The following GLOD4 variants were observed in gnomAD, a reference collection of about 807,000 sequenced individuals.
The protein encoded by GLOD4 is glyoxalase domain-containing protein 4.
In GLOD4, 44 loss-of-function variants were observed where a neutral mutation model predicts 39.1. The observed-to-expected ratio is 1.13, with a 90% CI of 0.88 to 1.45. GLOD4 has a LOEUF of 1.45. Among genes scored for constraint, GLOD4 ranks in the 40% most tolerant of loss-of-function variants. The pLI is 0.00. For missense variants in GLOD4, 405 were observed against 366.4 expected, an observed-to-expected ratio of 1.11 and a Z score of -0.86; for synonymous variants, 145 against 135.0, an observed-to-expected ratio of 1.07 and a Z score of -0.52.
intron 8 of GLOD4, among the ~76,000 whole-genome samples, chr17:766,987 C>T (rs1242121670): frequency 3.9e-5 from 6 of 152,194 alleles, no homozygotes. Flanking sequence ...ATGACAGATT[C>T]TACTTTCCTT....
chr17:775,477 C>G (rs906349739), intron 4 of GLOD4, among the ~76,000 whole-genome samples: 11 of 152,192 alleles, frequency 7.2e-5, no homozygotes, highest in African/African-American at 2.7e-4. Flanking sequence ...AGAATGCCTG[C>G]TCTGTGAGCT....
At chr17:775,266 A>C (rs940674014) in intron 4 of GLOD4, among the ~76,000 whole-genome samples, 1 of 151,984 alleles carries the variant, frequency 6.6e-6, no homozygotes, top group African/African-American at 2.4e-5. Flanking sequence ...GTCTCAAAAA[A>C]AAAAAGCAAA....
intron 8 of GLOD4, chr17:764,639 T>C (rs1906125040): frequency 6.6e-6 from 1 of 152,106 alleles, no homozygotes; most frequent in African/African-American, 2.4e-5. Flanking sequence ...AATTGTTATA[T>C]TCATAAAATT....
At chr17:770,005 C>CAAGAAAAT in intron 7 of GLOD4, 39 bp downstream of exon 7, 1 of 1,553,666 alleles carries the variant, frequency 6.4e-7, no homozygotes, top group Non-Finnish European at 8.9e-7. Flanking sequence ...CTTGAAGAAA[C>CAAGAAAAT]CCCTGGTCCA....
At position 770,515 on chromosome 17, in the gene GLOD4, A is replaced by G; in HGVS notation, c.544-8T>C. ...CTGTAGCTCCAGCTTACACTGAAATAGGAAAGGGGGTTATTTTTTGGAACA... is the reference window on the plus strand; with the variant it reads ...CTGTAGCTCCAGCTTACACTGAAATGGGAAAGGGGGTTATTTTTTGGAACA... On this transcript the variant is annotated splice_region_variant and splice_polypyrimidine_tract_variant and intron_variant, in intron 5 of 8. Coordinates refer to ENST00000301329, the MANE Select transcript of GLOD4 (RefSeq NM_016080.4). 1.4e-6 allele frequency: 2 copies of G among 1,393,160 alleles called. 1 individual carries two copies. The highest frequency in any genetic ancestry group is 3.5e-4 in the Middle Eastern group (2 of 5,648). 86.3% of individuals were successfully genotyped at this position (1,393,160 alleles called of 1,614,324 possible).
At position 782,226 on chromosome 17, in the gene GLOD4, T is replaced by A; in HGVS notation, c.30A>T (p.Val10=). ...TCTGGAAGCGGTTTCCCACTTTGAA[T>A]ACGAAGTGCAGAGCTCTGCGAGCAG... MAARRALHF[V]FKVGNRFQTA... Residue 10 remains valine, a synonymous_variant, in exon 1 of 9, where the codon GTA becomes GTT. Transcript: ENST00000301329. 6.2e-7 allele frequency: 1 copy of A among 1,613,396 alleles called. No individual in the cohort carries two copies. Among genetic ancestry groups the A allele is most frequent in the East Asian group, 2.2e-5 (1 of 44,878 alleles).
chr17:782,974 C>T (rs1173379418), upstream of GLOD4: 3 of 1,461,514 alleles, frequency 2.1e-6, no homozygotes, highest in Non-Finnish European at 2.7e-6. Flanking sequence ...AGGCGTGAGC[C>T]ACCGCGCCCG....
intron 8 of GLOD4, among the ~76,000 whole-genome samples, chr17:766,427 C>T (rs1287871143): frequency 6.6e-6 from 1 of 151,984 alleles, no homozygotes; most frequent in Admixed American, 6.6e-5. Flanking sequence ...GAAGCCCCGT[C>T]TCTACTAAAA....
chr17:768,483 A>AAG (rs1380723746), intron 8 of GLOD4, among the ~76,000 whole-genome samples: 3 of 132,852 alleles, frequency 2.3e-5, no homozygotes, highest in South Asian at 2.4e-4. Context: ...TTTAGAAGAA[A>AAG]TCTGGAGAGG....
intron 8 of GLOD4, among the ~76,000 whole-genome samples, chr17:762,157 A>G (rs1408314994): frequency 1.3e-5 from 2 of 152,252 alleles, no homozygotes; most frequent in Admixed American, 6.5e-5. Flanking sequence ...TTTCAGAGGT[A>G]GAACTCACAG....
chr17:781,915 T>G, intron 1 of GLOD4: 4 of 494,470 alleles, frequency 8.1e-6, no homozygotes. Context: ...AATAAACGTT[T>G]ACGAGTGGCT....
At position 771,474 on chromosome 17, in the gene GLOD4, A is replaced by G. The variant is rs760325716; in HGVS notation, c.407-13T>C. 27 of 1,523,138 alleles carry G rather than the reference A, an allele frequency of 1.8e-5. No individual in the cohort carries two copies. Among genetic ancestry groups the G allele is most frequent in the Middle Eastern group, 1.7e-4 (1 of 5,824 alleles). The allele number at this position is 1,523,138 out of a possible 1,614,324, so 94.4% of individuals were successfully genotyped here. On this transcript the variant is annotated splice_polypyrimidine_tract_variant and intron_variant, in intron 4 of 8. Transcript: ENST00000301329. ...TTTAATACAGGATCTGTTGGGTAAT[A>G]AAGCAGGAATAGACAGATCAATTTA... is the stretch of plus-strand genomic sequence containing the variant.
At chr17:783,110 G>A (rs1216982060), upstream of GLOD4, 3 of 1,613,604 alleles carry the variant, frequency 1.9e-6, no homozygotes, top group East Asian at 2.2e-5. Flanking sequence ...TAAAGTCCAG[G>A]CCATTTCGGG....
chr17:779,583 A>G (rs1181321040), intron 1 of GLOD4, among the ~76,000 whole-genome samples: 1 of 151,852 alleles, frequency 6.6e-6, no homozygotes, highest in African/African-American at 2.4e-5. Flanking sequence ...GGTTGCAATG[A>G]GCTGAGATTG....
chr17:772,769 C>G (rs755257700), intron 4 of GLOD4, among the ~76,000 whole-genome samples: 3 of 151,966 alleles, frequency 2.0e-5, no homozygotes, highest in African/African-American at 7.2e-5. Flanking sequence ...GCTGAGGTGG[C>G]AGGATCATGA....
At chr17:778,410 A>G (rs1392970364) in intron 2 of GLOD4, 4 of 525,772 alleles carry the variant, frequency 7.6e-6, no homozygotes, top group Non-Finnish European at 1.3e-5. Flanking sequence ...AGAGCTGGAG[A>G]ATCCCTTTGT....
At chr17:774,318 TGAA>T (rs777143631) in intron 4 of GLOD4, among the ~76,000 whole-genome samples, 10 of 152,272 alleles carry the variant, frequency 6.6e-5, no homozygotes, top group East Asian at 1.9e-4. Context: ...GGCCGACCAG[TGAA>T]GAAGGAGAAT....
chr17:774,600 C>G (rs760599662), intron 4 of GLOD4, among the ~76,000 whole-genome samples: 1 of 152,188 alleles, frequency 6.6e-6, no homozygotes, highest in Non-Finnish European at 1.5e-5. Context: ...TCCCTGAGTA[C>G]CCACGCTCAA....
chr17:769,934 C>G lies in GLOD4; in HGVS notation c.766G>C (p.Val256Leu). The G allele has an allele frequency of 6.2e-7, 1 of 1,611,102 alleles. No homozygotes were observed. ...ADPDGHEICF[V>L]GDEAFRELSK... ...AGTTCTCGAAATGCTTCATCCCCGA[C>G]AAAGCAAATTTCATGTCCGTCCTAC... is the stretch of plus-strand genomic sequence containing the variant. The change falls in exon 8 of 9, where the codon GTC (valine) becomes CTC (leucine). Residue 256 changes from valine (V) to leucine (L), a missense_variant. Physicochemically the swap from Val to Leu is conservative, Grantham distance 32 (BLOSUM62 1). Coordinates refer to ENST00000301329, the MANE Select transcript of GLOD4 (RefSeq NM_016080.4).
Sources: allele counts gnomAD v4.1 joint callset (sites outside exome capture counted in the v4.1 genomes callset), GRCh38; gene constraint gnomAD v4.1.1; transcripts MANE v1.5; gene names NCBI Gene and HGNC (gene_info 2026-07-23, HGNC 2026-07-21).